The following DPP10 variants were observed in gnomAD, a reference collection of about 807,000 sequenced individuals.
DPP10 encodes the protein inactive dipeptidyl peptidase 10.
A neutral mutation model predicts 120.9 loss-of-function variants in DPP10; 33 were observed. That is an observed-to-expected ratio of 0.27 (90% CI 0.21 to 0.37). The LOEUF is 0.37. DPP10 is among the 10% of genes least tolerant of loss of function. The probability of loss-of-function intolerance (pLI) is 1.00; values close to 1 mark genes in which losing one functional copy is unlikely to be tolerated. For synonymous variants in DPP10, 337 were observed against 326.1 expected (o/e 1.03, Z -0.36); for missense variants, 816 against 942.8 (o/e 0.87, Z 1.76).
intron 1 of DPP10, among the ~76,000 whole-genome samples, chr2:115,135,518 T>A (rs996379811): frequency 6.6e-6 from 1 of 151,810 alleles, no homozygotes; most frequent in Non-Finnish European, 1.5e-5. Flanking sequence ...TGCTGCCCCA[T>A]GAGATAGTAG....
chr2:114,657,945 A>G (rs1387695181), intron 1 of DPP10, among the ~76,000 whole-genome samples: 1 of 152,184 alleles, frequency 6.6e-6, no homozygotes, highest in Non-Finnish European at 1.5e-5. Flanking sequence ...CAACCTACGC[A>G]TGTGTATAAA....
intron 25 of DPP10, 107 bp from the exon 26 acceptor site, chr2:115,842,104 C>T: frequency 8.6e-7 from 1 of 1,167,402 alleles, no homozygotes; most frequent in East Asian, 2.6e-5. Flanking sequence ...TGATTTTGGT[C>T]AGATATTATT....
intron 1 of DPP10, among the ~76,000 whole-genome samples, chr2:114,996,079 A>G (rs1404838141): frequency 6.6e-6 from 1 of 152,236 alleles, no homozygotes; most frequent in Non-Finnish European, 1.5e-5. Context: ...GATTCAATCT[A>G]TGCAAGGATG....
In DPP10 at chr2:115,235,539, G is replaced by GT. The variant is rs776576924; in HGVS notation, c.61-73691dup. Among the ~76,000 whole-genome samples, 114 of 151,472 alleles carry GT rather than the reference G, an allele frequency of 7.5e-4. No individual in the cohort carries two copies. In the East Asian group the frequency reaches 0.016, roughly 21 times the overall value. The stretch of plus-strand genomic sequence containing the variant: ...TCTCCAATTTATCTTAAAGTTGACA[G>GT]TTTTTTTTTGTTTGTTTTTTTGGTG... On this transcript the variant is annotated intron_variant, in intron 1 of 25. Transcript: ENST00000410059.
chr2:115,111,551 G>T (rs1168282315), intron 1 of DPP10, among the ~76,000 whole-genome samples: 4 of 152,162 alleles, frequency 2.6e-5, no homozygotes, highest in African/African-American at 9.7e-5. Flanking sequence ...TAGGCATGGG[G>T]TGTAGGTTCC....
At chr2:115,385,251 C>G (rs1188547734) in intron 3 of DPP10, among the ~76,000 whole-genome samples, 1 of 152,122 alleles carries the variant, frequency 6.6e-6, no homozygotes, top group Non-Finnish European at 1.5e-5. Flanking sequence ...GAGTGCTATA[C>G]AGAGAGGCCA....
chr2:114,949,984 G>A, intron 1 of DPP10, among the ~76,000 whole-genome samples: 1 of 151,884 alleles, frequency 6.6e-6, no homozygotes, highest in Non-Finnish European at 1.5e-5. Context: ...AACCTATGTT[G>A]GTTCATCATC....
rs185813130 is a variant in DPP10 at position 114,972,159 on chromosome 2, T to C, written c.61-337080T>C. ...CACTTTTTGTTATTGTCCTAGAGGG[T>C]CAGCAGCTGTGAACTTGTTCTCATT... is the stretch of plus-strand genomic sequence containing the variant. On this transcript the variant is annotated intron_variant, in intron 1 of 25. Coordinates refer to ENST00000410059, the MANE Select transcript of DPP10 (RefSeq NM_020868.6). Among the ~76,000 whole-genome samples the C allele has an allele frequency of 1.1e-3, 166 of 152,302 alleles. 1 individual carries two copies. The highest frequency in any genetic ancestry group is 6.8e-3 in the Middle Eastern group (2 of 294).
chr2:115,486,060 CAGTT>C (rs1427420121), intron 3 of DPP10, among the ~76,000 whole-genome samples: 3 of 152,210 alleles, frequency 2.0e-5, no homozygotes, highest in Non-Finnish European at 2.9e-5. Context: ...TTAAAATTAT[CAGTT>C]AGTTTCCCTT....
chr2:115,144,569 G>T (rs1459670517), intron 1 of DPP10, among the ~76,000 whole-genome samples: 1 of 149,186 alleles, frequency 6.7e-6, no homozygotes, highest in Non-Finnish European at 1.5e-5. Context: ...TCTGCAAGGT[G>T]CAGGCTAAAA....
At chr2:114,498,507 A>G (rs549666196) in intron 1 of DPP10, among the ~76,000 whole-genome samples, 3 of 152,326 alleles carry the variant, frequency 2.0e-5, no homozygotes, top group Non-Finnish European at 2.9e-5. Flanking sequence ...CGTAATTTAT[A>G]GAGAAAAGAG....
rs116668509 is a variant in DPP10 at position 114,963,757 on chromosome 2, C to T, written c.61-345482C>T. ...AGAAACCAATGAGGGTAAGACTTCA[C>T]ACAGAGGGTCGTGTCGCAAGGGATT... On this transcript the variant is annotated intron_variant, in intron 1 of 25. Coordinates refer to ENST00000410059, the MANE Select transcript of DPP10 (RefSeq NM_020868.6). 8.7e-3 allele frequency among the ~76,000 whole-genome samples: 1,329 copies of T among 152,254 alleles called. 10 individuals carry two copies. The highest frequency in any genetic ancestry group is 0.015 in the South Asian group (72 of 4,826).
intron 5 of DPP10, among the ~76,000 whole-genome samples, chr2:115,617,623 C>T (rs2084622758): frequency 6.6e-6 from 1 of 151,736 alleles, no homozygotes. Flanking sequence ...GCTTTTAGGA[C>T]ATTAACATAC....
intron 1 of DPP10, among the ~76,000 whole-genome samples, chr2:115,023,542 G>T (rs1024719799): frequency 6.6e-6 from 1 of 152,026 alleles, no homozygotes; most frequent in Admixed American, 6.6e-5. Flanking sequence ...TTATACTGTC[G>T]GTGGGAATGC....
At chr2:115,137,558 G>T (rs1165653785) in intron 1 of DPP10, among the ~76,000 whole-genome samples, 1 of 152,220 alleles carries the variant, frequency 6.6e-6, no homozygotes, top group Non-Finnish European at 1.5e-5. Flanking sequence ...ACTTAGGCTG[G>T]ATACCTAGGA....
chr2:115,225,173 A>AAG (rs2057371615), intron 1 of DPP10, among the ~76,000 whole-genome samples: 1 of 152,296 alleles, frequency 6.6e-6, no homozygotes, highest in East Asian at 1.9e-4. Context: ...AGTGGAGAGA[A>AAG]AGAGAAAGTA....
chr2:114,690,773 T>C (rs1454388289), intron 1 of DPP10, among the ~76,000 whole-genome samples: 4 of 152,130 alleles, frequency 2.6e-5, no homozygotes, highest in East Asian at 1.9e-4. Flanking sequence ...CAGTGGTTTG[T>C]AGTTCTCCTT....
chr2:114,574,293 A>C (rs11693320), intron 1 of DPP10, among the ~76,000 whole-genome samples: 1 of 151,908 alleles, frequency 6.6e-6, no homozygotes, highest in Admixed American at 6.5e-5. Context: ...GGGACCCCCT[A>C]TGGAAAGAAA....
intron 1 of DPP10, among the ~76,000 whole-genome samples, chr2:115,106,502 C>T (rs1351940130): frequency 6.6e-6 from 1 of 152,144 alleles, no homozygotes; most frequent in African/African-American, 2.4e-5. Context: ...CTTCGTCATC[C>T]AAACTGAAGT....
Sources: gnomAD v4.1 joint callset for allele counts (sites outside exome capture counted in the v4.1 genomes callset) on GRCh38, gnomAD v4.1.1 for gene constraint, MANE v1.5 for transcripts, NCBI Gene and HGNC (gene_info 2026-07-23, HGNC 2026-07-21) for gene names.